The following AGBL3 variants were observed in gnomAD, a reference collection of about 807,000 sequenced individuals.
The protein encoded by AGBL3 is AGBL carboxypeptidase 3.
A neutral mutation model predicts 94.5 loss-of-function variants in AGBL3; 68 were observed. The ratio of observed to expected loss-of-function variants is 0.72; its 90% CI spans 0.59 to 0.88. The LOEUF (loss-of-function observed/expected upper bound fraction) is 0.88. Among genes scored for constraint, AGBL3 ranks in the 40% least tolerant of loss-of-function variants. The probability of loss-of-function intolerance (pLI) is 0.00; values close to 1 mark genes in which losing one functional copy is unlikely to be tolerated. For synonymous variants in AGBL3, 354 were observed against 370.7 expected (o/e 0.95, Z 0.52); for missense variants, 934 against 1,103.8 (o/e 0.85, Z 2.18).
intron 12 of AGBL3, among the ~76,000 whole-genome samples, chr7:135,072,812 T>C (rs1820060121): frequency 6.6e-6 from 1 of 151,804 alleles, no homozygotes; most frequent in Non-Finnish European, 1.5e-5. Context: ...TACCTAATGT[T>C]AAATGACAAG....
chr7:135,021,116 AGTT>A (rs1291992841), intron 5 of AGBL3, among the ~76,000 whole-genome samples: 4 of 151,670 alleles, frequency 2.6e-5, no homozygotes, highest in African/African-American at 9.7e-5. Flanking sequence ...ATTAAATGTC[AGTT>A]AACAATATAT....
intron 12 of AGBL3, among the ~76,000 whole-genome samples, chr7:135,063,032 C>T (rs968169601): frequency 6.6e-6 from 1 of 152,134 alleles, no homozygotes; most frequent in African/African-American, 2.4e-5. Flanking sequence ...CTAATTTAAT[C>T]TCTTTACCCA....
At position 135,007,189 on chromosome 7, in the gene AGBL3, C is replaced by T. The variant is rs1380591082; in HGVS notation, c.311-9863C>T. Among the ~76,000 whole-genome samples, 4 of 151,870 alleles carry T rather than the reference C, an allele frequency of 2.6e-5. 1 individual carries two copies. The highest frequency in any genetic ancestry group is 1.9e-4 in the East Asian group (1 of 5,200). Reference sequence around the variant, plus strand: ...GAGGAAGGAATGCTTCCCCATTCATCGCTATGAGGCCAGTATTACTCTGAT... The same window carrying T: ...GAGGAAGGAATGCTTCCCCATTCATTGCTATGAGGCCAGTATTACTCTGAT... On this transcript the variant is annotated intron_variant, in intron 4 of 16. Transcript: ENST00000436302.
chr7:135,115,246 G>T (rs117730477), intron 15 of AGBL3, 134 bp from the exon 16 acceptor site: 705 of 563,350 alleles, frequency 1.3e-3, no homozygotes, highest in Non-Finnish European at 1.8e-3. Flanking sequence ...TTTATTTTCT[G>T]CCCACTGTCA....
At chr7:135,032,296 G>T (rs1360211029) in intron 5 of AGBL3, among the ~76,000 whole-genome samples, 1 of 151,430 alleles carries the variant, frequency 6.6e-6, no homozygotes, top group African/African-American at 2.4e-5. Flanking sequence ...GAATTTTTTT[G>T]TTTTTTTGTT....
At chr7:135,047,971 C>A (rs909709175) in intron 11 of AGBL3, among the ~76,000 whole-genome samples, 3 of 151,894 alleles carry the variant, frequency 2.0e-5, no homozygotes, top group Admixed American at 2.0e-4. Context: ...TTTTCCCCTA[C>A]ATTTCTGGAA....
chr7:135,118,241 C>G (rs1826605863), intron 16 of AGBL3, among the ~76,000 whole-genome samples: 1 of 152,168 alleles, frequency 6.6e-6, no homozygotes, highest in East Asian at 1.9e-4. Context: ...CACTATTTGT[C>G]TGTACCTTCA....
intron 11 of AGBL3, among the ~76,000 whole-genome samples, chr7:135,048,066 C>T (rs1424164092): frequency 6.6e-6 from 1 of 151,826 alleles, no homozygotes; most frequent in Admixed American, 6.6e-5. Flanking sequence ...TATTCTTTTG[C>T]ATGTGGATAG....
At chr7:135,073,548 G>A (rs1005441460) in intron 12 of AGBL3, among the ~76,000 whole-genome samples, 6 of 151,698 alleles carry the variant, frequency 4.0e-5, no homozygotes, top group East Asian at 1.9e-4. Context: ...AGGAAGAGCC[G>A]CAGACAAAAC....
intron 12 of AGBL3, among the ~76,000 whole-genome samples, chr7:135,069,746 C>T (rs1819699963): frequency 6.6e-6 from 1 of 151,996 alleles, no homozygotes; most frequent in Non-Finnish European, 1.5e-5. Flanking sequence ...AAATTTATAG[C>T]ACTAAATGCC....
At chr7:135,108,872 T>C (rs897363385) in intron 15 of AGBL3, among the ~76,000 whole-genome samples, 3 of 152,200 alleles carry the variant, frequency 2.0e-5, no homozygotes, top group African/African-American at 7.2e-5. Flanking sequence ...AGAGGTTTTG[T>C]TCATTCCTTT....
chr7:135,065,991 A>C (rs946653011), intron 12 of AGBL3, among the ~76,000 whole-genome samples: 7 of 152,220 alleles, frequency 4.6e-5, no homozygotes, highest in Non-Finnish European at 7.4e-5. Flanking sequence ...GATGGGCTAA[A>C]CACTTAAACG....
chr7:134,996,491 T>C (rs1811026118), intron 4 of AGBL3, among the ~76,000 whole-genome samples: 1 of 22,680 alleles, frequency 4.4e-5, no homozygotes, highest in Non-Finnish European at 3.6e-4. Flanking sequence ...CAGCCAGAAT[T>C]CCCCAGAGGT....
At chr7:135,129,332 G>T (rs1276822794) in intron 16 of AGBL3, 2 of 1,159,156 alleles carry the variant, frequency 1.7e-6, no homozygotes, top group Non-Finnish European at 2.6e-6. Context: ...TGACTGCAGA[G>T]AAATTAATAG....
intron 15 of AGBL3, among the ~76,000 whole-genome samples, chr7:135,101,922 T>C (rs1823894160): frequency 6.6e-6 from 1 of 152,150 alleles, no homozygotes; most frequent in East Asian, 1.9e-4. Flanking sequence ...TGATAGTAAA[T>C]AAGTCTCACG....
At chr7:135,059,392 C>A (rs542127666) in intron 12 of AGBL3, among the ~76,000 whole-genome samples, 157 bp downstream of exon 12, 2 of 152,188 alleles carry the variant, frequency 1.3e-5, no homozygotes, top group South Asian at 4.1e-4. Flanking sequence ...AATTATTTAA[C>A]TTTAGGGTTT....
intron 6 of AGBL3, 144 bp downstream of exon 6, chr7:135,033,126 G>C (rs942853277): frequency 5.5e-6 from 5 of 912,958 alleles, no homozygotes; most frequent in African/African-American, 5.2e-5. Flanking sequence ...TTGTTGTGGA[G>C]GAGGGGAGTA....
At chr7:135,025,972 T>G (rs1250150968) in intron 5 of AGBL3, among the ~76,000 whole-genome samples, 1 of 151,534 alleles carries the variant, frequency 6.6e-6, no homozygotes, top group African/African-American at 2.4e-5. Context: ...ACAATAACAG[T>G]AGGAGACTTT....
chr7:135,076,523 G>T, intron 13 of AGBL3, 55 bp downstream of exon 13: 2 of 1,332,476 alleles, frequency 1.5e-6, no homozygotes, highest in Non-Finnish European at 2.1e-6. Context: ...GAAAGAGAAT[G>T]GCAAGTTATT....
Sources: gnomAD v4.1 joint callset for allele counts (sites outside exome capture counted in the v4.1 genomes callset) on GRCh38, gnomAD v4.1.1 for gene constraint, MANE v1.5 for transcripts, NCBI Gene and HGNC (gene_info 2026-07-23, HGNC 2026-07-21) for gene names.